Variants in METTL15 observed in about 807,000 individuals in gnomAD.
The protein encoded by METTL15 is methyltransferase 15, mitochondrial 12S rRNA N4-cytidine.
Under a neutral mutation model 38.3 loss-of-function variants are expected in METTL15, and 34 were observed. The ratio of observed to expected loss-of-function variants is 0.89; its 90% confidence interval spans 0.68 to 1.18. The LOEUF (loss-of-function observed/expected upper bound fraction) is 1.18. Ranked by LOEUF, METTL15 falls within the 50% of genes most tolerant of loss-of-function variation. The probability of loss-of-function intolerance (pLI) is 0.00; values close to 1 mark genes in which losing one functional copy is unlikely to be tolerated. For synonymous variants in METTL15, 162 were observed against 170.9 expected, an observed-to-expected ratio of 0.95 and a Z score of 0.41; for missense variants, 438 against 498.4, an observed-to-expected ratio of 0.88 and a Z score of 1.15.
chr11:28,365,373 G>A (rs1219551136), intron 5 of METTL15, among the ~76,000 whole-genome samples: 1 of 152,032 alleles, frequency 6.6e-6, no homozygotes, highest in East Asian at 1.9e-4. Flanking sequence ...GCCTGTTCAC[G>A]TTTTCAGTTT....
intron 6 of METTL15, among the ~76,000 whole-genome samples, chr11:28,497,968 C>T (rs1325540356): frequency 7.3e-5 from 11 of 151,050 alleles, no homozygotes; most frequent in Admixed American, 1.3e-4. Flanking sequence ...GCATGAGAAT[C>T]GCTTGAACCT....
chr11:28,169,999 TG>T (rs1159607550), intron 3 of METTL15, among the ~76,000 whole-genome samples: 1 of 152,088 alleles, frequency 6.6e-6, no homozygotes, highest in East Asian at 1.9e-4. Context: ...TGCTCTGGTG[TG>T]GGGGGTAGGA....
At chr11:28,468,071 AT>A (rs5790688) in intron 6 of METTL15, among the ~76,000 whole-genome samples, 151,777 of 152,230 alleles carry the variant, frequency 1, 75,664 homozygotes, top group Middle Eastern at 1. Flanking sequence ...CATCTCAGCC[AT>A]TTTTGTTCCA....
chr11:28,321,814 TTAA>T (rs1849480685), intron 6 of METTL15, among the ~76,000 whole-genome samples: 1 of 151,884 alleles, frequency 6.6e-6, no homozygotes, highest in Admixed American at 6.6e-5. Context: ...GAAAAGATAT[TTAA>T]TAATAATTAA....
In METTL15 at chr11:28,331,484, A is replaced by G. The variant is rs1407950770; in HGVS notation, c.*643A>G. The G allele has an allele frequency of 2.0e-5, 3 of 152,160 alleles. No homozygotes were observed. The highest frequency in any genetic ancestry group is 7.2e-5 in the African/African-American group (3 of 41,466). The allele number at this position is 152,160 out of a possible 1,614,324, so 9.4% of individuals were successfully genotyped here. A position where few individuals can be genotyped will look rare whatever the true frequency, so the allele number is the denominator to read the frequency against. ...AAGTAAAAATGTAAAATCCTTACAGAGAATTGTTTCACAAAACTTATATTT... is the reference window on the plus strand; with the variant it reads ...AAGTAAAAATGTAAAATCCTTACAGGGAATTGTTTCACAAAACTTATATTT... On this transcript the variant is annotated 3_prime_UTR_variant, in exon 7 of 7. Coordinates refer to ENST00000407364, the MANE Select transcript of METTL15 (RefSeq NM_001113528.2).
At chr11:28,453,055 T>C (rs1851136860) in intron 6 of METTL15, among the ~76,000 whole-genome samples, 1 of 152,226 alleles carries the variant, frequency 6.6e-6, no homozygotes, top group Admixed American at 6.5e-5. Flanking sequence ...TGATACAGTA[T>C]GGATCCCTAC....
intron 6 of METTL15, among the ~76,000 whole-genome samples, chr11:28,319,361 G>T (rs375454802): frequency 1.3e-5 from 2 of 151,948 alleles, no homozygotes; most frequent in Non-Finnish European, 2.9e-5. Context: ...TCTTAAAATT[G>T]TTGCTTTGTT....
intron 3 of METTL15, among the ~76,000 whole-genome samples, chr11:28,175,444 A>G (rs1034518270): frequency 2.6e-5 from 4 of 152,094 alleles, no homozygotes; most frequent in East Asian, 1.9e-4. Flanking sequence ...ATGATTTATA[A>G]TCCTTAGGGT....
intron 6 of METTL15, among the ~76,000 whole-genome samples, chr11:28,515,720 C>T (rs1034209628): frequency 6.6e-6 from 1 of 152,184 alleles, no homozygotes; most frequent in Non-Finnish European, 1.5e-5. Context: ...GCTATAGGTC[C>T]CATTTTTAAT....
At chr11:28,495,065 T>G (rs1320548093) in intron 6 of METTL15, among the ~76,000 whole-genome samples, 1 of 152,236 alleles carries the variant, frequency 6.6e-6, no homozygotes, top group African/African-American at 2.4e-5. Flanking sequence ...GTTCATTTAT[T>G]CATCAAATAT....
chr11:28,328,707 A>T (rs2134060828), intron 6 of METTL15, among the ~76,000 whole-genome samples: 1 of 152,220 alleles, frequency 6.6e-6, no homozygotes, highest in Non-Finnish European at 1.5e-5. Flanking sequence ...AAGGAAAATT[A>T]TATTTATTAG....
chr11:28,423,684 A>G (rs1850840530), intron 5 of METTL15, among the ~76,000 whole-genome samples: 1 of 152,036 alleles, frequency 6.6e-6, no homozygotes, highest in Non-Finnish European at 1.5e-5. Context: ...AGAGAGTAGA[A>G]GGATGGTTAC....
chr11:28,348,534 GTTATT>G (rs1369690868), intron 3 of METTL15, among the ~76,000 whole-genome samples: 2 of 151,896 alleles, frequency 1.3e-5, no homozygotes, highest in African/African-American at 4.8e-5. Flanking sequence ...TGCTTGGCTA[GTTATT>G]TTATTTTTTG....
intron 5 of METTL15, among the ~76,000 whole-genome samples, chr11:28,401,340 A>G (rs1183845986): frequency 4.6e-5 from 7 of 151,962 alleles, no homozygotes; most frequent in African/African-American, 1.7e-4. Flanking sequence ...TCCATTAAGA[A>G]GTAATCTCTT....
intron 6 of METTL15, among the ~76,000 whole-genome samples, chr11:28,438,322 G>A (rs1851001058): frequency 6.6e-6 from 1 of 152,226 alleles, no homozygotes; most frequent in Non-Finnish European, 1.5e-5. Flanking sequence ...GGCTGTTAGA[G>A]TCTTTTCAGG....
In METTL15 at chr11:28,296,637, C is replaced by T; in HGVS notation, c.600-116C>T. Reference sequence around the variant, plus strand: ...AGGTTTCAGTTTCTGACTTTAAAACCTCACTTCTCCTAGAGTATGTGTGTG... The same window carrying T: ...AGGTTTCAGTTTCTGACTTTAAAACTTCACTTCTCCTAGAGTATGTGTGTG... On this transcript the variant is annotated intron_variant, in intron 5 of 6. Coordinates refer to ENST00000407364, the MANE Select transcript of METTL15 (RefSeq NM_001113528.2). 3.8e-6 allele frequency: 4 copies of T among 1,059,990 alleles called. No individual in the cohort carries two copies. The South Asian group carries it at 6.8e-5, about 18-fold the overall frequency. 65.7% of individuals were successfully genotyped at this position (1,059,990 alleles called of 1,614,324 possible).
chr11:28,377,284 C>G (rs1360656195), intron 5 of METTL15, among the ~76,000 whole-genome samples: 1 of 151,610 alleles, frequency 6.6e-6, no homozygotes, highest in Non-Finnish European at 1.5e-5. Flanking sequence ...CTCCCCATCA[C>G]TTTCAGGTAC....
At chr11:28,525,360 C>T (rs1851801386) in intron 6 of METTL15, among the ~76,000 whole-genome samples, 2 of 152,066 alleles carry the variant, frequency 1.3e-5, no homozygotes, top group African/African-American at 2.4e-5. Flanking sequence ...CTGAGCTAGA[C>T]ACAAAGGTTC....
chr11:28,330,236 TTGGGAA>T (rs1849770649), intron 6 of METTL15, among the ~76,000 whole-genome samples, 154 bp from the exon 7 acceptor site: 1 of 152,158 alleles, frequency 6.6e-6, no homozygotes. Context: ...GGAAGAATGT[TTGGGAA>T]TAAGAGGGGG....
Sources: allele counts gnomAD v4.1 joint callset (sites outside exome capture counted in the v4.1 genomes callset), GRCh38; gene constraint gnomAD v4.1.1; transcripts MANE v1.5; gene names NCBI Gene and HGNC (gene_info 2026-07-23, HGNC 2026-07-21).